The following BDP1 variants were observed in gnomAD, a reference collection of about 807,000 sequenced individuals.
BDP1 encodes BDP1 general transcription factor IIIB subunit, also known as transcription factor TFIIIB component B'' homolog.
BDP1 carries 169 observed loss-of-function variants against 266.6 expected under a neutral mutation model. The observed-to-expected ratio is 0.63, with a 90% confidence interval of 0.56 to 0.72. BDP1 has a LOEUF of 0.72. BDP1 is among the 30% of genes least tolerant of loss of function. The pLI, the probability that BDP1 is intolerant of heterozygous loss-of-function variation, is 0.00. For synonymous variants in BDP1, 1,090 were observed against 1,022.4 expected (o/e 1.07, Z -1.26); for missense variants, 3,015 against 3,053.8 (o/e 0.99, Z 0.30).
intron 13 of BDP1, among the ~76,000 whole-genome samples, chr5:71,500,481 A>G (rs373966907): frequency 6.6e-5 from 10 of 151,864 alleles, no homozygotes; most frequent in African/African-American, 1.4e-4. Context: ...ATGCGCCACC[A>G]TGCCCGGCTA....
intron 4 of BDP1, among the ~76,000 whole-genome samples, chr5:71,464,648 T>G (rs1225457512): frequency 2.0e-5 from 3 of 151,058 alleles, no homozygotes; most frequent in African/African-American, 7.3e-5. Context: ...CTCGTGATCC[T>G]CCTGCCTCAG....
At chr5:71,468,940 T>C (rs1762073736) in intron 6 of BDP1, among the ~76,000 whole-genome samples, 1 of 152,200 alleles carries the variant, frequency 6.6e-6, no homozygotes. Context: ...AATAATGTTC[T>C]ACCTCAGATA....
At chr5:71,560,578 TG>T (rs1339022393) in intron 37 of BDP1, among the ~76,000 whole-genome samples, 1 of 152,224 alleles carries the variant, frequency 6.6e-6, no homozygotes, top group Non-Finnish European at 1.5e-5. Flanking sequence ...CATCAGAAGT[TG>T]TTTTACTGAA....
rs1220947005 is a variant in BDP1 at position 71,566,286 on chromosome 5, C to G, written c.*1401C>G. ...AAGCCAATTTCTTCATAGTTTTTTCCCATTAAATTCTCAAGGAACACTTGG... is the reference window on the plus strand; with the variant it reads ...AAGCCAATTTCTTCATAGTTTTTTCGCATTAAATTCTCAAGGAACACTTGG... On this transcript the variant is annotated 3_prime_UTR_variant, in exon 39 of 39. Transcript: ENST00000358731. 6.6e-6 allele frequency: 1 copy of G among 152,408 alleles called. No individual in the cohort carries two copies. Among genetic ancestry groups the G allele is most frequent in the Non-Finnish European group, 1.5e-5 (1 of 68,024 alleles). The allele number at this position is 152,408 out of a possible 1,614,324, so 9.4% of individuals were successfully genotyped here.
chr5:71,562,366 G>T lies in BDP1; in HGVS notation c.7589G>T (p.Arg2530Leu). Reference sequence around the variant, plus strand: ...CCTATGCAAGTCCATAGTAAGAAACGCCTAAAACCTCTTATACCTGGATTA... The same window carrying T: ...CCTATGCAAGTCCATAGTAAGAAACTCCTAAAACCTCTTATACCTGGATTA... Reference protein sequence around the residue: ...DEPMQVHSKKRLKPLIPGLRK... With the variant: ...DEPMQVHSKKLLKPLIPGLRK... The change falls in exon 38 of 39, where the codon CGC becomes CTC. Residue 2530 changes from arginine to leucine, a missense_variant. Physicochemically the swap from Arg to Leu is moderately radical, Grantham distance 102. Transcript: ENST00000358731. 6.2e-7 allele frequency: 1 copy of T among 1,613,610 alleles called. No individual in the cohort carries two copies.
At chr5:71,508,930 C>T (rs1262182064) in intron 16 of BDP1, among the ~76,000 whole-genome samples, 1 of 152,158 alleles carries the variant, frequency 6.6e-6, no homozygotes, top group African/African-American at 2.4e-5. Flanking sequence ...CTTTAGAGAA[C>T]TATCTGTATA....
rs11441119 is a variant in BDP1, at chr5:71,501,673, T to TAAAA, written c.2048+37_2048+40dup. 261 of 545,236 alleles carry TAAAA rather than the reference T, an allele frequency of 4.8e-4. 1 individual carries two copies. Among genetic ancestry groups the TAAAA allele is most frequent in the South Asian group, 1.7e-3 (53 of 30,682 alleles). 33.8% of individuals were successfully genotyped at this position (545,236 alleles called of 1,614,324 possible). A position where few individuals can be genotyped will look rare whatever the true frequency, so the allele number is the denominator to read the frequency against. On this transcript the variant is annotated intron_variant, in intron 14 of 38. Transcript: ENST00000358731. ...ATCTGTGTGAGTATTCAGGAAGTAGTAAAAAAAAAAAAAAAAAAAAGTAAC... is the reference window on the plus strand; with the variant it reads ...ATCTGTGTGAGTATTCAGGAAGTAGTAAAAAAAAAAAAAAAAAAAAAAAAGTAAC...
chr5:71,473,984 C>T lies in BDP1; in HGVS notation c.1014+3495C>T, dbSNP rs530632048. 9.4e-4 allele frequency among the ~76,000 whole-genome samples: 143 copies of T among 152,064 alleles called. 1 individual carries two copies. The highest frequency in any genetic ancestry group is 2.8e-3 in the African/African-American group (118 of 41,472). On this transcript the variant is annotated intron_variant, in intron 7 of 38. Transcript: ENST00000358731. ...TTTAAAGTAGACATTTAAAGCTATA[C>T]ATTTCGTTTTTTTTGACACAGAGTC...
In BDP1 at chr5:71,501,673, T is replaced by A. The variant is rs530449586; in HGVS notation, c.2048+20T>A. On this transcript the variant is annotated intron_variant, in intron 14 of 38. Transcript: ENST00000358731. ...ATCTGTGTGAGTATTCAGGAAGTAG[T>A]AAAAAAAAAAAAAAAAAAAAGTAAC... The A allele has an allele frequency of 1.4e-4, 77 of 545,386 alleles. No individual in the cohort carries two copies. The highest frequency in any genetic ancestry group is 4.6e-4 in the South Asian group (14 of 30,694). The allele number at this position is 545,386 out of a possible 1,614,324, so 33.8% of individuals were successfully genotyped here. A position where few individuals can be genotyped will look rare whatever the true frequency, so the allele number is the denominator to read the frequency against.
intron 13 of BDP1, among the ~76,000 whole-genome samples, chr5:71,499,477 G>A (rs1344457063): frequency 2.0e-5 from 3 of 152,078 alleles, no homozygotes; most frequent in Admixed American, 2.0e-4. Context: ...AAATTAGCTG[G>A]GCATTGTGAC....
At chr5:71,517,493 G>A (rs763769119) in intron 22 of BDP1, 41 bp downstream of exon 22, 2 of 1,508,638 alleles carry the variant, frequency 1.3e-6, no homozygotes, top group Non-Finnish European at 1.8e-6. Context: ...ACTTTTCAAA[G>A]ATAAAAGTTA....
At position 71,567,004 on chromosome 5, in the gene BDP1, A is replaced by G. The variant is rs1010489618; in HGVS notation, c.*2119A>G. 1.2e-4 allele frequency: 18 copies of G among 152,146 alleles called. No homozygotes were observed. The highest frequency in any genetic ancestry group is 4.3e-4 in the African/African-American group (18 of 41,424). The allele number at this position is 152,146 out of a possible 1,614,324, so 9.4% of individuals were successfully genotyped here. A position where few individuals can be genotyped will look rare whatever the true frequency, so the allele number is the denominator to read the frequency against. On this transcript the variant is annotated 3_prime_UTR_variant, in exon 39 of 39. Transcript: ENST00000358731. ...CTTCTTATTCATTGTCTTTTAGTGA[A>G]ATTTATGGCGTAACACTTTGTCAGA... is the stretch of plus-strand genomic sequence containing the variant.
chr5:71,532,932 T>C (rs1766344864), intron 26 of BDP1, among the ~76,000 whole-genome samples: 1 of 152,224 alleles, frequency 6.6e-6, no homozygotes, highest in African/African-American at 2.4e-5. Flanking sequence ...TCACTACTCC[T>C]TTCCTCCCAA....
intron 25 of BDP1, among the ~76,000 whole-genome samples, chr5:71,525,346 G>C (rs1380257473): frequency 1.3e-5 from 2 of 148,544 alleles, no homozygotes; most frequent in Non-Finnish European, 3.0e-5. Flanking sequence ...CGGCCGGGCA[G>C]AGGCACCCCT....
intron 37 of BDP1, 44 bp from the exon 38 acceptor site, chr5:71,562,230 G>A: frequency 3.3e-6 from 2 of 606,940 alleles, no homozygotes; most frequent in Non-Finnish European, 5.4e-6. Context: ...AAAAGAATGT[G>A]TCTTCCTGGG....
chr5:71,506,258 C>T (rs552805225), intron 16 of BDP1, among the ~76,000 whole-genome samples: 1 of 152,306 alleles, frequency 6.6e-6, no homozygotes, highest in East Asian at 1.9e-4. Flanking sequence ...CTGATCTCAA[C>T]AACTTTCCTC....
chr5:71,510,588 G>A lies in BDP1; in HGVS notation c.3496G>A (p.Val1166Ile), dbSNP rs1357299052. ...AAATGGCCCAGAGGAGGTCAAGCCT[G>A]TAGATGAAATGGAGACAGACTTGAA... ...EENGPEEVKP[V>I]DEMETDLKTT... Residue 1166 changes from valine (V) to isoleucine (I), a missense_variant, in exon 17 of 39, where the codon GTA becomes ATA. Around this residue, in one of 3 missense-constraint regions of BDP1, gnomAD observed 2,383 missense variants for 2,404.9 expected, o/e 0.99. Coordinates refer to ENST00000358731, the MANE Select transcript of BDP1 (RefSeq NM_018429.3). 4.3e-6 allele frequency: 7 copies of A among 1,613,822 alleles called. No individual in the cohort carries two copies. The highest frequency in any genetic ancestry group is 5.9e-6 in the Non-Finnish European group (7 of 1,179,818).
intron 26 of BDP1, among the ~76,000 whole-genome samples, chr5:71,533,522 G>A (rs1391453257): frequency 6.9e-6 from 1 of 145,712 alleles, no homozygotes; most frequent in African/African-American, 2.5e-5. Context: ...CTAGAGTGCA[G>A]TAACACAATT....
Position 71,539,668 on chromosome 5 carries a change from T to A in BDP1, c.6022+19T>A. On this transcript the variant is annotated intron_variant, in intron 28 of 38. Coordinates refer to ENST00000358731, the MANE Select transcript of BDP1 (RefSeq NM_018429.3). Reference sequence around the variant, plus strand: ...GGTGATGGTAAGAATGAAAGCTAAGTCCTATCAAAAATAGAAACTTTTAAA... The same window carrying A: ...GGTGATGGTAAGAATGAAAGCTAAGACCTATCAAAAATAGAAACTTTTAAA... The A allele has an allele frequency of 6.5e-7, 1 of 1,545,250 alleles. No homozygotes were observed. The highest frequency in any genetic ancestry group is 8.8e-7 in the Non-Finnish European group (1 of 1,130,544).
Sources: allele counts gnomAD v4.1 joint callset (sites outside exome capture counted in the v4.1 genomes callset), GRCh38; gene constraint gnomAD v4.1.1; regional missense constraint gnomAD v4.1.1; transcripts MANE v1.5; gene names NCBI Gene and HGNC (gene_info 2026-07-23, HGNC 2026-07-21).